Variants in KAZN observed in about 807,000 individuals in gnomAD.
KAZN encodes kazrin, periplakin interacting protein, also known as kazrin.
Under a neutral mutation model 87.4 loss-of-function variants are expected in KAZN, and 40 were observed. The observed-to-expected ratio is 0.46, with a 90% CI of 0.36 to 0.60. The LOEUF is 0.60. Among genes scored for constraint, KAZN ranks in the 20% least tolerant of loss-of-function variants. The probability of loss-of-function intolerance (pLI) is 0.00; values close to 1 mark genes in which losing one functional copy is unlikely to be tolerated. For synonymous variants in KAZN, 466 were observed against 458.3 expected (o/e 1.02, Z -0.22); for missense variants, 898 against 1,073.9 (o/e 0.84, Z 2.29).
At chr1:14,292,125 T>A (rs1404666887) in intron 2 of KAZN, among the ~76,000 whole-genome samples, 1 of 152,204 alleles carries the variant, frequency 6.6e-6, no homozygotes, top group Non-Finnish European at 1.5e-5. Flanking sequence ...ACTTATAGTA[T>A]GTTGTATGTA....
chr1:14,737,706 C>A (rs1643951179), intron 1 of KAZN, among the ~76,000 whole-genome samples: 1 of 152,168 alleles, frequency 6.6e-6, no homozygotes, highest in African/African-American at 2.4e-5. Context: ...CTTTCGAGCT[C>A]ATGTGGTTAT....
chr1:14,546,534 G>A (rs759213911), intron 2 of KAZN, among the ~76,000 whole-genome samples: 10 of 151,832 alleles, frequency 6.6e-5, no homozygotes, highest in African/African-American at 9.7e-5. Context: ...GGTGATTTAC[G>A]TAGTAAATAA....
chr1:14,082,072 GC>G (rs1189181897), intron 1 of KAZN, among the ~76,000 whole-genome samples: 2 of 152,162 alleles, frequency 1.3e-5, no homozygotes, highest in African/African-American at 4.8e-5. Flanking sequence ...ACTATGCCCA[GC>G]CCACTCTGTT....
intron 1 of KAZN, among the ~76,000 whole-genome samples, chr1:14,129,008 T>C (rs1298653449): frequency 1.3e-5 from 2 of 152,186 alleles, no homozygotes; most frequent in African/African-American, 4.8e-5. Flanking sequence ...ATAAAGTGGA[T>C]GCATTTGTTC....
At position 14,184,667 on chromosome 1, in the gene KAZN, T is replaced by C. The variant is rs901359735; in HGVS notation, c.249+4075T>C. ...TCTTCTAGATGATTGTGCTTTCCAA[T>C]TGGTTTCTGGCAAAACTGGGCCGAT... On this transcript the variant is annotated intron_variant, in intron 2 of 16. Coordinates refer to the KAZN transcript ENST00000636203. The surrounding 1 kb of genome is among the most constrained non-coding windows in gnomAD (Gnocchi z 4.2). Among the ~76,000 whole-genome samples, 9 of 152,124 alleles carry C rather than the reference T, an allele frequency of 5.9e-5. No homozygotes were observed. Among genetic ancestry groups the C allele is most frequent in the Admixed American group, 5.2e-4 (8 of 15,276 alleles).
chr1:14,879,136 G>T (rs1423058928), intron 1 of KAZN, among the ~76,000 whole-genome samples: 2 of 152,216 alleles, frequency 1.3e-5, no homozygotes, highest in African/African-American at 4.8e-5. Context: ...GAGTCAGGAA[G>T]GTCTCTGTTC....
At chr1:14,622,033 A>G (rs1461693692) in intron 1 of KAZN, among the ~76,000 whole-genome samples, 1 of 152,258 alleles carries the variant, frequency 6.6e-6, no homozygotes, top group African/African-American at 2.4e-5. Flanking sequence ...CATTGCAGAC[A>G]GTCAGCTACT....
chr1:13,923,401 G>A (rs1316267230), intron 1 of KAZN, among the ~76,000 whole-genome samples: 6 of 151,800 alleles, frequency 4.0e-5, no homozygotes, highest in South Asian at 2.1e-4. Flanking sequence ...GTGAAACCCC[G>A]TCTCTACTAA....
Position 14,784,230 on chromosome 1 carries a change from A to G in KAZN, c.227-176454A>G, listed in dbSNP as rs554666046. Among the ~76,000 whole-genome samples, 165 of 152,292 alleles carry G rather than the reference A, an allele frequency of 1.1e-3. 2 individuals are homozygous for G. In the South Asian group the frequency reaches 0.018, roughly 16 times the overall value. On this transcript the variant is annotated intron_variant, in intron 1 of 14. Coordinates refer to ENST00000376030, the MANE Select transcript of KAZN (RefSeq NM_201628.3). Reference sequence around the variant, plus strand: ...TGGTTGAACCAGACCCACCCTGATTATCTAGGACAGACTCCTTTTCCTGAA... The same window carrying G: ...TGGTTGAACCAGACCCACCCTGATTGTCTAGGACAGACTCCTTTTCCTGAA...
chr1:14,784,996 A>T (rs1409668614), intron 1 of KAZN, among the ~76,000 whole-genome samples: 1 of 151,100 alleles, frequency 6.6e-6, no homozygotes, highest in Non-Finnish European at 1.5e-5. Flanking sequence ...TTAAGCTGTA[A>T]AATGAGATAA....
intron 2 of KAZN, among the ~76,000 whole-genome samples, chr1:14,381,258 G>C (rs1661342973): frequency 6.6e-6 from 1 of 152,016 alleles, no homozygotes; most frequent in South Asian, 2.1e-4. Flanking sequence ...GATATATAAA[G>C]CAAATATTAT....
chr1:14,716,943 T>C (rs1169061197), intron 1 of KAZN, among the ~76,000 whole-genome samples: 1 of 151,856 alleles, frequency 6.6e-6, no homozygotes, highest in African/African-American at 2.4e-5. Context: ...TCTTATGCTT[T>C]CTGGCCTCTG....
At chr1:14,532,535 T>C (rs1238670184) in intron 2 of KAZN, among the ~76,000 whole-genome samples, 1 of 151,346 alleles carries the variant, frequency 6.6e-6, no homozygotes, top group African/African-American at 2.4e-5. Flanking sequence ...TTGTTACATA[T>C]GTATACATGT....
chr1:14,429,063 T>C (rs1665900341), intron 2 of KAZN, among the ~76,000 whole-genome samples: 1 of 152,196 alleles, frequency 6.6e-6, no homozygotes, highest in South Asian at 2.1e-4. Flanking sequence ...TTATTGATCT[T>C]TGGAATTCAT....
At chr1:14,389,511 A>C (rs1429571071) in intron 2 of KAZN, among the ~76,000 whole-genome samples, 1 of 152,228 alleles carries the variant, frequency 6.6e-6, no homozygotes, top group Non-Finnish European at 1.5e-5. Flanking sequence ...ATGGAGTACT[A>C]TTCAGCCATA....
At chr1:14,988,037 T>C (rs1666999162) in intron 2 of KAZN, among the ~76,000 whole-genome samples, 1 of 152,150 alleles carries the variant, frequency 6.6e-6, no homozygotes, top group Admixed American at 6.5e-5. Context: ...TGGTGGGCTT[T>C]AGACAGGGAG....
In KAZN at chr1:14,735,114, T is replaced by C. The variant is rs144618813; in HGVS notation, c.226+135891T>C. On this transcript the variant is annotated intron_variant, in intron 1 of 14. Coordinates refer to ENST00000376030, the MANE Select transcript of KAZN (RefSeq NM_201628.3). This position sits in a 1 kb window ranked among gnomAD's most constrained non-coding sequence, Gnocchi z 4.3. ...TCGCTCTTTCGCCCAGGCCGGACTG[T>C]AGTGGCGCTATCTCGGCTCACTGCG... is the stretch of plus-strand genomic sequence containing the variant. 5.2e-3 allele frequency among the ~76,000 whole-genome samples: 786 copies of C among 152,266 alleles called. 8 individuals carry two copies. The highest frequency in any genetic ancestry group is 0.017 in the African/African-American group (693 of 41,546).
chr1:13,944,160 A>T (rs1213441144), intron 1 of KAZN, among the ~76,000 whole-genome samples: 1 of 152,228 alleles, frequency 6.6e-6, no homozygotes, highest in Non-Finnish European at 1.5e-5. Flanking sequence ...GAAGTGTGGC[A>T]TATCATACAA....
intron 2 of KAZN, among the ~76,000 whole-genome samples, chr1:14,529,259 G>A (rs141857085): frequency 2.5e-3 from 385 of 152,270 alleles, no homozygotes; most frequent in African/African-American, 8.9e-3. Context: ...AGCTGAGATC[G>A]CGCCATTGCA....
Sources: gnomAD v4.1 joint callset for allele counts (sites outside exome capture counted in the v4.1 genomes callset) on GRCh38, gnomAD v4.1.1 for gene constraint, Gnocchi (gnomAD v3.1) non-coding constraint, MANE v1.5 for transcripts, NCBI Gene and HGNC (gene_info 2026-07-23, HGNC 2026-07-21) for gene names.